SPON1: variants seen among roughly 807,000 people sequenced by gnomAD.
SPON1 encodes the protein spondin-1.
A neutral mutation model predicts 111.7 loss-of-function variants in SPON1; 52 were observed. That is an observed-to-expected ratio of 0.47 (90% confidence interval 0.37 to 0.59). The LOEUF (loss-of-function observed/expected upper bound fraction) is 0.59. Among genes scored for constraint, SPON1 ranks in the 20% least tolerant of loss-of-function variants. The pLI is 0.00. For missense variants in SPON1, 957 were observed against 1,068.5 expected, an observed-to-expected ratio of 0.90 and a Z score of 1.46; for synonymous variants, 410 against 395.8, an observed-to-expected ratio of 1.04 and a Z score of -0.43.
Position 14,166,712 on chromosome 11 carries a change from A to G in SPON1, c.825+31144A>G, listed in dbSNP as rs150019066. ...ATATAACAATTACAATTAATAATGT[A>G]CACTAAATTATACTAACATTATAGA... On this transcript the variant is annotated intron_variant, in intron 6 of 15. Transcript: ENST00000576479. 4.8e-3 allele frequency among the ~76,000 whole-genome samples: 734 copies of G among 152,314 alleles called. 9 individuals carry two copies. The highest frequency in any genetic ancestry group is 0.016 in the African/African-American group (679 of 41,584).
At chr11:14,182,845 T>C (rs1848249031) in intron 6 of SPON1, among the ~76,000 whole-genome samples, 1 of 152,200 alleles carries the variant, frequency 6.6e-6, no homozygotes, top group African/African-American at 2.4e-5. Context: ...TTGTTTCAGA[T>C]GCCAAGTGGA....
chr11:14,089,798 T>G (rs1408351668), intron 5 of SPON1, among the ~76,000 whole-genome samples: 1 of 152,162 alleles, frequency 6.6e-6, no homozygotes, highest in Non-Finnish European at 1.5e-5. Flanking sequence ...GGGAGTTTTA[T>G]CTCTAAGCCC....
intron 1 of SPON1, among the ~76,000 whole-genome samples, chr11:13,979,250 C>T (rs1476361380): frequency 6.6e-6 from 1 of 152,088 alleles, no homozygotes. Flanking sequence ...TCTGTCATCT[C>T]GTGGCATTCT....
intron 3 of SPON1, among the ~76,000 whole-genome samples, chr11:14,074,492 T>G (rs149569563): frequency 1.3e-5 from 2 of 152,224 alleles, no homozygotes; most frequent in African/African-American, 4.8e-5. Context: ...ACAGGGTGAA[T>G]GGAAGTGAAA....
intron 6 of SPON1, among the ~76,000 whole-genome samples, chr11:14,195,995 T>C (rs782318148): frequency 6.6e-6 from 1 of 152,198 alleles, no homozygotes; most frequent in Non-Finnish European, 1.5e-5. Flanking sequence ...ATAAGAGCAG[T>C]TGAAAATTCC....
chr11:13,981,123 C>G (rs1271669363), intron 1 of SPON1, among the ~76,000 whole-genome samples: 4 of 152,154 alleles, frequency 2.6e-5, no homozygotes, highest in African/African-American at 9.7e-5. Context: ...GTGCTAGGTT[C>G]TGGGGATAAA....
rs369127373 is a variant in SPON1, at chr11:14,241,802, A to G, written c.826-1530A>G. Among the ~76,000 whole-genome samples the G allele has an allele frequency of 7.2e-5, 11 of 152,320 alleles. No homozygotes were observed. In the South Asian group the frequency reaches 2.1e-3, roughly 29 times the overall value. ...AAGAAGGGATACACTGTAAACAAATAAATATATTTCTCAGAGCATGAGAAA... is the reference window on the plus strand; with the variant it reads ...AAGAAGGGATACACTGTAAACAAATGAATATATTTCTCAGAGCATGAGAAA... On this transcript the variant is annotated intron_variant, in intron 6 of 15. Coordinates refer to ENST00000576479, the MANE Select transcript of SPON1 (RefSeq NM_006108.4).
intron 6 of SPON1, among the ~76,000 whole-genome samples, chr11:14,168,557 GT>G (rs1848059293): frequency 6.6e-6 from 1 of 151,882 alleles, no homozygotes; most frequent in South Asian, 2.1e-4. Context: ...CAACGTGCAG[GT>G]TTGTTACCTA....
intron 3 of SPON1, among the ~76,000 whole-genome samples, chr11:14,052,708 C>T (rs1458778199): frequency 2.6e-5 from 4 of 152,308 alleles, no homozygotes; most frequent in Non-Finnish European, 5.9e-5. Context: ...CAGAGGTTCT[C>T]GGGATGCCAG....
At chr11:14,016,407 T>C (rs1350021811) in intron 2 of SPON1, among the ~76,000 whole-genome samples, 2 of 152,258 alleles carry the variant, frequency 1.3e-5, no homozygotes, top group African/African-American at 4.8e-5. Context: ...GTGCTTTCTA[T>C]GGGTCAGCAA....
chr11:14,221,063 C>T (rs1384682735), intron 6 of SPON1, among the ~76,000 whole-genome samples: 7 of 152,144 alleles, frequency 4.6e-5, no homozygotes, highest in African/African-American at 1.7e-4. Context: ...CTCAGCATGT[C>T]GTTCTGAACA....
intron 5 of SPON1, among the ~76,000 whole-genome samples, chr11:14,080,373 T>A (rs1432790246): frequency 1.3e-5 from 2 of 151,844 alleles, no homozygotes; most frequent in Non-Finnish European, 2.9e-5. Flanking sequence ...GGATTACAGG[T>A]ATGGGCCACC....
At chr11:13,983,068 G>GTCAA in intron 2 of SPON1, 115 bp downstream of exon 2, 1 of 661,312 alleles carries the variant, frequency 1.5e-6, no homozygotes, top group Non-Finnish European at 2.7e-6. Flanking sequence ...TTGGCCAACG[G>GTCAA]GGGCAGGTCC....
intron 5 of SPON1, among the ~76,000 whole-genome samples, chr11:14,082,587 A>G (rs1288130238): frequency 1.3e-5 from 2 of 152,216 alleles, no homozygotes; most frequent in Non-Finnish European, 2.9e-5. Context: ...GCAGATGTCT[A>G]GCCTTCAGCT....
intron 2 of SPON1, among the ~76,000 whole-genome samples, chr11:14,023,327 T>C (rs1214414901): frequency 6.6e-6 from 1 of 152,112 alleles, no homozygotes; most frequent in African/African-American, 2.4e-5. Flanking sequence ...AGTTAGAAGG[T>C]TGTTGCAGTG....
At chr11:14,089,127 C>G (rs782244648) in intron 5 of SPON1, among the ~76,000 whole-genome samples, 17 of 152,110 alleles carry the variant, frequency 1.1e-4, no homozygotes, top group Admixed American at 2.0e-4. Flanking sequence ...AAGCCTACTT[C>G]TGTCAATTTG....
intron 2 of SPON1, among the ~76,000 whole-genome samples, chr11:13,987,924 T>C (rs1848198102): frequency 6.6e-6 from 1 of 152,232 alleles, no homozygotes. Context: ...TCTGTTTTGG[T>C]ACCAGTATCA....
At chr11:14,001,102 C>T (rs1848314162) in intron 2 of SPON1, among the ~76,000 whole-genome samples, 1 of 152,174 alleles carries the variant, frequency 6.6e-6, no homozygotes, top group Admixed American at 6.5e-5. Context: ...CCTTCGCCAC[C>T]TCCTTCCTCC....
At chr11:14,037,694 A>G (rs561347758) in intron 2 of SPON1, among the ~76,000 whole-genome samples, 1 of 152,240 alleles carries the variant, frequency 6.6e-6, no homozygotes, top group African/African-American at 2.4e-5. Context: ...TAAGTACAAC[A>G]CCAAAAGCAT....
Sources: allele counts gnomAD v4.1 joint callset (sites outside exome capture counted in the v4.1 genomes callset), GRCh38; gene constraint gnomAD v4.1.1; transcripts MANE v1.5; gene names NCBI Gene and HGNC (gene_info 2026-07-23, HGNC 2026-07-21).